The following COL1A2 variants were observed in gnomAD, a reference collection of about 807,000 sequenced individuals.
COL1A2 encodes collagen alpha-2(I) chain.
COL1A2 carries 49 observed loss-of-function variants against 174.3 expected under a neutral mutation model. That is an observed-to-expected ratio of 0.28 (90% confidence interval 0.22 to 0.36). The LOEUF (loss-of-function observed/expected upper bound fraction) is 0.36, where lower values mean the gene tolerates loss of function less well. Among genes scored for constraint, COL1A2 ranks in the 10% least tolerant of loss-of-function variants. The pLI, the probability that COL1A2 is intolerant of heterozygous loss-of-function variation, is 1.00. For synonymous variants in COL1A2, 655 were observed against 606.6 expected (o/e 1.08, Z -1.17); for missense variants, 1,438 against 1,822.7 (o/e 0.79, Z 3.84).
intron 40 of COL1A2, 186 bp from the exon 41 acceptor site, chr7:94,424,150 G>A: frequency 1.7e-6 from 1 of 582,776 alleles, no homozygotes; most frequent in Non-Finnish European, 3.1e-6. Context: ...AGATACAAAA[G>A]TATTCATGCC....
At chr7:94,406,111 AC>A (rs1791789316) in intron 11 of COL1A2, 138 bp from the exon 12 acceptor site, 1 of 844,192 alleles carries the variant, frequency 1.2e-6, no homozygotes, top group Non-Finnish European at 2.0e-6. Flanking sequence ...GTTTGCTGGG[AC>A]CTGGAACACT....
rs774233882 is a variant in COL1A2 at position 94,421,905 on chromosome 7, A to C, written c.2356A>C (p.Thr786Pro). 15 of 1,613,996 alleles carry C rather than the reference A, an allele frequency of 9.3e-6. No homozygotes were observed. Among genetic ancestry groups the C allele is most frequent in the Non-Finnish European group, 1.3e-5 (15 of 1,179,992 alleles). The change falls in exon 39 of 52, where the codon ACT becomes CCT. Residue 786 changes from threonine to proline, a missense_variant. Thr to Pro is a conservative substitution (Grantham distance 38). Transcript: ENST00000297268. Reference sequence around the variant, plus strand: ...TAATGTGCTTGGCTCTTAGGGTATGACTGGTTTCCCTGGTGCTGCTGGACG... The same window carrying C: ...TAATGTGCTTGGCTCTTAGGGTATGCCTGGTTTCCCTGGTGCTGCTGGACG... ...SRGDGGPPGM[T>P]GFPGAAGRTG...
intron 15 of COL1A2, 113 bp downstream of exon 15, chr7:94,408,493 TG>T (rs1791851980): frequency 7.6e-7 from 1 of 1,320,118 alleles, no homozygotes; most frequent in African/African-American, 1.5e-5. Context: ...CCAAATGTTC[TG>T]TGAGGTCTTT....
chr7:94,422,536 C>T, intron 39 of COL1A2: 1 of 185,874 alleles, frequency 5.4e-6, no homozygotes, highest in Non-Finnish European at 1.1e-5. Flanking sequence ...TGTGGGATTC[C>T]TCAATTATGA....
At chr7:94,425,053 G>A (rs1584329318) in intron 41 of COL1A2, 64 bp from the exon 42 acceptor site, 1 of 1,434,834 alleles carries the variant, frequency 7.0e-7, no homozygotes, top group Non-Finnish European at 9.8e-7. Flanking sequence ...GGGTTGTTTT[G>A]GAGGGGAAGG....
At chr7:94,425,951 G>T (rs1482116562) in intron 44 of COL1A2, 47 bp from the exon 45 acceptor site, 2 of 1,607,348 alleles carry the variant, frequency 1.2e-6, no homozygotes, top group South Asian at 1.1e-5. Flanking sequence ...AGTGGGGAGG[G>T]GTATCTTGGG....
In COL1A2 at chr7:94,407,999, G is replaced by A. The variant is rs1204362631; in HGVS notation, c.639+108G>A. ...TGTATCCTTCAGCATTGTATTCTTT[G>A]ATGTTTTTCTAATAGCCTTCTGATA... is the stretch of plus-strand genomic sequence containing the variant. On this transcript the variant is annotated intron_variant, in intron 13 of 51. Transcript: ENST00000297268. The A allele has an allele frequency of 5.6e-6, 7 of 1,241,920 alleles. No homozygotes were observed. In the African/African-American group the frequency reaches 7.5e-5, roughly 13 times the overall value. 76.9% of individuals were successfully genotyped at this position (1,241,920 alleles called of 1,614,324 possible).
rs759205514 is a variant in COL1A2 at position 94,409,346 on chromosome 7, G to A, written c.817G>A (p.Ala273Thr). ...PKGEIGAVGN[A>T]GPAGPAGPRG... ...GGGTGAAATTGGAGCTGTTGGTAAC[G>A]CTGGTCCTGCTGGTCCCGCCGGTCC... Residue 273 changes from alanine (A) to threonine (T), a missense_variant, in exon 17 of 52, where the codon GCT (alanine) becomes ACT (threonine). This residue lies in a region of COL1A2 where 867 missense variants were observed against 1,213.7 expected (regional missense o/e 0.71). Coordinates refer to ENST00000297268, the MANE Select transcript of COL1A2 (RefSeq NM_000089.4). 3.7e-6 allele frequency: 6 copies of A among 1,614,072 alleles called. No homozygotes were observed. Among genetic ancestry groups the A allele is most frequent in the African/African-American group, 2.7e-5 (2 of 75,016 alleles).
At position 94,399,915 on chromosome 7, in the gene COL1A2, T is replaced by A. The variant is rs534412082; in HGVS notation, c.133-281T>A. Among the ~76,000 whole-genome samples, 188 of 152,340 alleles carry A rather than the reference T, an allele frequency of 1.2e-3. 1 individual carries two copies. Among genetic ancestry groups the A allele is most frequent in the African/African-American group, 4.3e-3 (178 of 41,580 alleles). On this transcript the variant is annotated intron_variant, in intron 4 of 51. Transcript: ENST00000297268. ...ATGAAGCACGTGGAACCATACATTT[T>A]GGCTATAATTTTTATATTTGAATAC...
chr7:94,394,948 C>T lies in COL1A2; in HGVS notation c.-84C>T. 8.5e-7 allele frequency: 1 copy of T among 1,173,562 alleles called. No individual in the cohort carries two copies. Among genetic ancestry groups the T allele is most frequent in the Non-Finnish European group, 1.3e-6 (1 of 780,574 alleles). 72.7% of individuals were successfully genotyped at this position (1,173,562 alleles called of 1,614,324 possible). ...AAGTTGGAGGTACTGGCCACGACTG[C>T]ATGCCCGCGCCCGCCAGGTGATACC... On this transcript the variant is annotated 5_prime_UTR_variant, in exon 1 of 52. Coordinates refer to ENST00000297268, the MANE Select transcript of COL1A2 (RefSeq NM_000089.4).
chr7:94,414,019 T>C, intron 28 of COL1A2, 72 bp downstream of exon 28: 1 of 1,425,448 alleles, frequency 7.0e-7, no homozygotes, highest in Non-Finnish European at 9.9e-7. Flanking sequence ...ATACCGTACC[T>C]CTCTTCTCCA....
At chr7:94,396,921 T>C (rs1791596251) in intron 1 of COL1A2, among the ~76,000 whole-genome samples, 1 of 152,182 alleles carries the variant, frequency 6.6e-6, no homozygotes, top group Non-Finnish European at 1.5e-5. Flanking sequence ...TAACCTATAA[T>C]TTTTGTACCG....
At chr7:94,417,661 G>C in intron 31 of COL1A2, 63 bp from the exon 32 acceptor site, 2 of 1,370,264 alleles carry the variant, frequency 1.5e-6, no homozygotes, top group Non-Finnish European at 2.0e-6. Context: ...AATTCTTCTA[G>C]AGTTTGATTC....
intron 31 of COL1A2, 179 bp downstream of exon 31, chr7:94,416,682 A>G (rs1229439488): frequency 1.0e-5 from 6 of 597,266 alleles, no homozygotes; most frequent in Non-Finnish European, 1.5e-5. Context: ...TAAACAAACA[A>G]ACAATAGCAA....
At chr7:94,420,309 T>C in intron 35 of COL1A2, 23 bp downstream of exon 35, 1 of 1,614,102 alleles carries the variant, frequency 6.2e-7, no homozygotes, top group South Asian at 1.1e-5. Flanking sequence ...CTGGGTCATT[T>C]TGTATACTCA....
At position 94,411,207 on chromosome 7, in the gene COL1A2, T is replaced by G. The variant is rs1430071781; in HGVS notation, c.1350+53T>G. On this transcript the variant is annotated intron_variant, in intron 23 of 51. Coordinates refer to ENST00000297268, the MANE Select transcript of COL1A2 (RefSeq NM_000089.4). Reference sequence around the variant, plus strand: ...TCACACCTGGCATTACTTCCTTCTTTAAAGGGTTGGTTAATATTGAAGATA... The same window carrying G: ...TCACACCTGGCATTACTTCCTTCTTGAAAGGGTTGGTTAATATTGAAGATA... 5.2e-6 allele frequency: 7 copies of G among 1,340,098 alleles called. No individual in the cohort carries two copies. In the East Asian group the frequency reaches 1.7e-4, roughly 33 times the overall value. The allele number at this position is 1,340,098 out of a possible 1,614,324, so 83.0% of individuals were successfully genotyped here. A position where few individuals can be genotyped will look rare whatever the true frequency, so the allele number is the denominator to read the frequency against.
At position 94,409,585 on chromosome 7, in the gene COL1A2, C is replaced by G; in HGVS notation, c.913C>G (p.Leu305Val). ...ATAGGGTAATCCTGGAGCAAACGGC[C>G]TTACTGGTGCCAAGGGTGCTGCTGT... ...GPPGNPGANG[L>V]TGAKGAAGLP... is the part of the protein sequence containing the mutation. The change falls in exon 18 of 52, where the codon CTT (leucine) becomes GTT (valine). Residue 305 changes from leucine to valine, a missense_variant. Coordinates refer to ENST00000297268, the MANE Select transcript of COL1A2 (RefSeq NM_000089.4). The G allele has an allele frequency of 3.7e-6, 6 of 1,614,162 alleles. No individual in the cohort carries two copies. The highest frequency in any genetic ancestry group is 5.1e-6 in the Non-Finnish European group (6 of 1,180,008).
At chr7:94,421,501 A>C (rs1287909366) in intron 38 of COL1A2, 8 of 365,120 alleles carry the variant, frequency 2.2e-5, no homozygotes, top group Non-Finnish European at 4.0e-5. Flanking sequence ...TTTGTCCATG[A>C]ACACCATTAC....
intron 34 of COL1A2, 132 bp from the exon 35 acceptor site, chr7:94,420,101 T>G: frequency 7.2e-4 from 825 of 1,151,250 alleles, no homozygotes; most frequent in Middle Eastern, 1.7e-3. Context: ...TTTTACTCTG[T>G]GAGATGTGCG....
Sources: gnomAD v4.1 joint callset for allele counts (sites outside exome capture counted in the v4.1 genomes callset) on GRCh38, gnomAD v4.1.1 for gene constraint, gnomAD v4.1.1 regional missense constraint, MANE v1.5 for transcripts, NCBI Gene and HGNC (gene_info 2026-07-23, HGNC 2026-07-21) for gene names.